The following MECOM variants were observed in gnomAD, a reference collection of about 807,000 sequenced individuals.
MECOM encodes the protein MDS1 and EVI1 complex locus, also known as histone-lysine N-methyltransferase MECOM.
In MECOM, 13 loss-of-function variants were observed where a neutral mutation model predicts 116.3. That is an observed-to-expected ratio of 0.11 (90% CI 0.07 to 0.18). The LOEUF (loss-of-function observed/expected upper bound fraction) is 0.18. Among genes scored for constraint, MECOM ranks in the 10% least tolerant of loss-of-function variants. The pLI is 1.00. For missense variants in MECOM, 1,299 were observed against 1,509.0 expected, an observed-to-expected ratio of 0.86 and a Z score of 2.31; for synonymous variants, 528 against 535.2, an observed-to-expected ratio of 0.99 and a Z score of 0.19.
chr3:169,591,348 G>T (rs189954635), intron 1 of MECOM, among the ~76,000 whole-genome samples: 1 of 151,900 alleles, frequency 6.6e-6, no homozygotes, highest in Non-Finnish European at 1.5e-5. Context: ...TCAAGGAAAT[G>T]TTGGCTTTGT....
chr3:169,507,968 C>T (rs1395473342), intron 1 of MECOM, among the ~76,000 whole-genome samples: 2 of 152,052 alleles, frequency 1.3e-5, no homozygotes, highest in Non-Finnish European at 2.9e-5. Flanking sequence ...CCCCAACTTG[C>T]CATTTCTTAA....
At position 169,663,664 on chromosome 3, in the gene MECOM, T is replaced by G. The variant is rs1453621656; in HGVS notation, c.-292A>C. ...CTCGCTATCTCTCCAGCATTGTCAGTTTGGACACCTTCGCACATGCGCGCT... is the reference window on the plus strand; with the variant it reads ...CTCGCTATCTCTCCAGCATTGTCAGGTTGGACACCTTCGCACATGCGCGCT... On this transcript the variant is annotated 5_prime_UTR_variant, in exon 1 of 17. Coordinates refer to ENST00000651503, the MANE Select transcript of MECOM (RefSeq NM_004991.4). 1.4e-5 allele frequency: 6 copies of G among 425,210 alleles called. No individual in the cohort carries two copies. Among genetic ancestry groups the G allele is most frequent in the African/African-American group, 2.0e-5 (1 of 49,416 alleles). The allele number at this position is 425,210 out of a possible 1,614,324, so 26.3% of individuals were successfully genotyped here.
intron 2 of MECOM, chr3:169,145,366 T>C (rs1739548252): frequency 3.7e-6 from 1 of 270,380 alleles, no homozygotes; most frequent in African/African-American, 2.2e-5. Context: ...AAATGGCAAC[T>C]TGAGATTTCC....
chr3:169,230,741 C>G (rs1753283004), intron 2 of MECOM, among the ~76,000 whole-genome samples: 1 of 152,024 alleles, frequency 6.6e-6, no homozygotes, highest in Non-Finnish European at 1.5e-5. Flanking sequence ...TTTACCCAAG[C>G]CTACTTCAAT....
chr3:169,469,545 A>T (rs151211031), intron 1 of MECOM, among the ~76,000 whole-genome samples: 1,784 of 152,288 alleles, frequency 0.012, 138 homozygotes, highest in Admixed American at 0.11. Context: ...TCTCCACAAT[A>T]GTCCTTCTGA....
At chr3:169,495,202 G>C (rs752202208) in intron 1 of MECOM, among the ~76,000 whole-genome samples, 1 of 151,962 alleles carries the variant, frequency 6.6e-6, no homozygotes, top group Non-Finnish European at 1.5e-5. Context: ...AGTTCTCCAC[G>C]TATCTTTAAC....
intron 2 of MECOM, among the ~76,000 whole-genome samples, chr3:169,268,320 T>C (rs1466660554): frequency 6.6e-6 from 1 of 152,164 alleles, no homozygotes; most frequent in Non-Finnish European, 1.5e-5. Flanking sequence ...TTTATATACA[T>C]TCACTTGGTC....
chr3:169,485,731 G>T (rs149774484), intron 1 of MECOM, among the ~76,000 whole-genome samples: 1 of 150,720 alleles, frequency 6.6e-6, no homozygotes, highest in African/African-American at 2.4e-5. Context: ...CTTCAAAAAG[G>T]CAATTTGGCA....
chr3:169,619,255 G>A (rs1391350165), intron 1 of MECOM, among the ~76,000 whole-genome samples: 1 of 152,204 alleles, frequency 6.6e-6, no homozygotes, highest in Non-Finnish European at 1.5e-5. Context: ...ATTTAGTGCC[G>A]CTGTGCTGAG....
chr3:169,118,497 G>A (rs1488122319), intron 7 of MECOM, among the ~76,000 whole-genome samples: 7 of 151,756 alleles, frequency 4.6e-5, no homozygotes, highest in Admixed American at 4.6e-4. Flanking sequence ...TAATGGAGAA[G>A]GTAGAAACAT....
At chr3:169,151,625 T>C (rs1438967079) in intron 2 of MECOM, among the ~76,000 whole-genome samples, 1 of 152,252 alleles carries the variant, frequency 6.6e-6, no homozygotes, top group African/African-American at 2.4e-5. Context: ...TGAAATAATC[T>C]GAGAAATTGA....
chr3:169,594,154 C>CAAAAAAAAAAAAAAAAAAAAAAAAA (rs34331048), intron 1 of MECOM, among the ~76,000 whole-genome samples: 2 of 45,730 alleles, frequency 4.4e-5, no homozygotes, highest in African/African-American at 1.2e-4. Context: ...ACCACCACCA[C>CAAAAAAAAAAAAAAAAAAAAAAAAA]AAAAAAAAAA....
rs574166608 is a variant in MECOM, at chr3:169,233,200, T to C, written c.376-89368A>G. ...TGCCTTTGAAGGATTCTCTTTAGAA[T>C]ACCTGGGTCCCAAACATGGTGCTGT... On this transcript the variant is annotated intron_variant, in intron 2 of 16. Transcript: ENST00000651503. Among the ~76,000 whole-genome samples the C allele has an allele frequency of 7.9e-5, 12 of 152,300 alleles. No individual in the cohort carries two copies. The South Asian group carries it at 1.9e-3, about 24-fold the overall frequency.
chr3:169,115,745 T>C lies in MECOM; in HGVS notation c.2127A>G (p.Pro709=), dbSNP rs1362841728. The C allele has an allele frequency of 1.2e-6, 2 of 1,614,102 alleles. No homozygotes were observed. Among genetic ancestry groups the C allele is most frequent in the Non-Finnish European group, 1.7e-6 (2 of 1,180,018 alleles). The change falls in exon 8 of 17, where the codon CCA becomes CCG. Residue 709 remains proline, a synonymous_variant. Transcript: ENST00000651503. ...ACGATCTCAAGTCTCTATCAGGAAA[T>C]GGGTACATTGATTGAGAGAATGCTG... ...FFPAFSQSMY[P]FPDRDLRSLP...
chr3:169,245,947 A>G (rs923652657), intron 2 of MECOM, among the ~76,000 whole-genome samples: 1 of 152,222 alleles, frequency 6.6e-6, no homozygotes, highest in African/African-American at 2.4e-5. Context: ...GGTAGTTCCC[A>G]GCTTGTCTGC....
chr3:169,092,314 G>A (rs1316939798), intron 14 of MECOM, among the ~76,000 whole-genome samples: 4 of 151,834 alleles, frequency 2.6e-5, no homozygotes, highest in South Asian at 2.1e-4. Flanking sequence ...AGTAGCAATA[G>A]AATCTTAAGA....
chr3:169,502,717 A>C (rs1754682456), intron 1 of MECOM, among the ~76,000 whole-genome samples: 1 of 152,166 alleles, frequency 6.6e-6, no homozygotes, highest in Non-Finnish European at 1.5e-5. Context: ...TTTAAAGTTC[A>C]ACATCATTAT....
chr3:169,338,775 C>A (rs1241043195), intron 2 of MECOM, among the ~76,000 whole-genome samples: 1 of 152,012 alleles, frequency 6.6e-6, no homozygotes, highest in Non-Finnish European at 1.5e-5. Flanking sequence ...GAATTCCTGC[C>A]TCCTTCATTA....
intron 1 of MECOM, among the ~76,000 whole-genome samples, chr3:169,617,604 G>C (rs558862966): frequency 1.3e-5 from 2 of 152,220 alleles, no homozygotes; most frequent in Non-Finnish European, 2.9e-5. Flanking sequence ...AACCAAAGCA[G>C]AGTTAGAGAA....
Sources: gnomAD v4.1 joint callset for allele counts (sites outside exome capture counted in the v4.1 genomes callset) on GRCh38, gnomAD v4.1.1 for gene constraint, MANE v1.5 for transcripts, NCBI Gene and HGNC (gene_info 2026-07-23, HGNC 2026-07-21) for gene names.